Variants in AGTPBP1 observed in about 807,000 individuals in gnomAD.
AGTPBP1 encodes ATP/GTP binding carboxypeptidase 1.
In AGTPBP1, 70 loss-of-function variants were observed where a neutral mutation model predicts 143.9. The ratio of observed to expected loss-of-function variants is 0.49; its 90% confidence interval spans 0.40 to 0.59. The LOEUF is 0.59. Ranked by LOEUF, AGTPBP1 falls within the 20% of genes least tolerant of loss-of-function variation. AGTPBP1 has a pLI of 0.00. For missense variants in AGTPBP1, 1,229 were observed against 1,464.5 expected, an observed-to-expected ratio of 0.84 and a Z score of 2.62; for synonymous variants, 463 against 500.2, an observed-to-expected ratio of 0.93 and a Z score of 0.99.
chr9:85,573,017 A>T (rs991552538), intron 25 of AGTPBP1, among the ~76,000 whole-genome samples: 1 of 152,136 alleles, frequency 6.6e-6, no homozygotes, highest in Non-Finnish European at 1.5e-5. Context: ...CATATACACA[A>T]AACCATAAAA....
chr9:85,620,578 C>A (rs945554640), intron 15 of AGTPBP1, among the ~76,000 whole-genome samples: 1 of 152,116 alleles, frequency 6.6e-6, no homozygotes, highest in African/African-American at 2.4e-5. Context: ...AATAGTCAAA[C>A]TCAATATTTG....
At chr9:85,573,186 C>T (rs1264897749) in intron 25 of AGTPBP1, among the ~76,000 whole-genome samples, 1 of 151,964 alleles carries the variant, frequency 6.6e-6, no homozygotes, top group Non-Finnish European at 1.5e-5. Context: ...GCCATCTCGG[C>T]TCACTGCAAC....
intron 14 of AGTPBP1, among the ~76,000 whole-genome samples, chr9:85,632,093 G>GTATA (rs372145008): frequency 6.7e-6 from 1 of 149,298 alleles, no homozygotes; most frequent in Non-Finnish European, 1.5e-5. Context: ...TACATAGTAG[G>GTATA]TATATATATA....
Position 85,567,158 on chromosome 9 carries a change from G to A in AGTPBP1, c.3503+8157C>T, listed in dbSNP as rs12346568. 5.7e-4 allele frequency among the ~76,000 whole-genome samples: 87 copies of A among 152,290 alleles called. 1 individual carries two copies. Among genetic ancestry groups the A allele is most frequent in the African/African-American group, 1.7e-3 (72 of 41,574 alleles). ...GGGAGTGGGGGACTCTACTTAAAATGAGCCTGCAAACTATAGGATCATGAG... is the reference window on the plus strand; with the variant it reads ...GGGAGTGGGGGACTCTACTTAAAATAAGCCTGCAAACTATAGGATCATGAG... On this transcript the variant is annotated intron_variant, in intron 25 of 25. Coordinates refer to ENST00000357081, the MANE Select transcript of AGTPBP1 (RefSeq NM_001330701.2).
rs147659568 is a variant in AGTPBP1, at chr9:85,579,026, T to C, written c.3236A>G (p.Lys1079Arg). The C allele has an allele frequency of 4.7e-4, 760 of 1,611,828 alleles. No homozygotes were observed. Among genetic ancestry groups the C allele is most frequent in the Non-Finnish European group, 6.0e-4 (712 of 1,179,252 alleles). Residue 1079 changes from lysine (K) to arginine (R), a missense_variant, in exon 24 of 26, where the codon AAA (lysine) becomes AGA (arginine). This residue lies in a region of AGTPBP1 where 486 missense variants were observed against 652.3 expected (regional missense o/e 0.75). Transcript: ENST00000357081. ...AACACGTGCTGTGGATTCTTTAGAT[T>C]TTTCCACTACGAAGCTACAGCTGCT... ...CMSSCSFVVE[K>R]SKESTARVVV...
chr9:85,763,238 C>T, the AGTPBP1 span, among the ~76,000 whole-genome samples: 1 of 151,560 alleles, frequency 6.6e-6, no homozygotes, highest in African/African-American at 2.4e-5. Context: ...GAGAATGTGC[C>T]CCACAAAAAT....
At chr9:85,753,331 A>G in the AGTPBP1 span, 1 of 1,613,980 alleles carries the variant, frequency 6.2e-7, no homozygotes, top group South Asian at 1.1e-5. Context: ...ACAGGACAGG[A>G]AGAAGGTCTA....
chr9:85,734,077 C>T (rs1839065530), intron 1 of AGTPBP1, among the ~76,000 whole-genome samples: 1 of 152,112 alleles, frequency 6.6e-6, no homozygotes, highest in South Asian at 2.1e-4. Flanking sequence ...CATGGTGAAA[C>T]CCTGTCTCTA....
chr9:85,660,086 T>TAA (rs979787630), intron 9 of AGTPBP1, among the ~76,000 whole-genome samples: 2 of 146,358 alleles, frequency 1.4e-5, no homozygotes, highest in African/African-American at 2.5e-5. Context: ...TGCTATTATT[T>TAA]AAAAAAAAAA....
chr9:85,722,897 T>C (rs1838224502), intron 1 of AGTPBP1, among the ~76,000 whole-genome samples: 1 of 152,196 alleles, frequency 6.6e-6, no homozygotes, highest in African/African-American at 2.4e-5. Flanking sequence ...ATGCTATTCC[T>C]TTCTGTTAGT....
At chr9:85,591,518 A>G (rs1828966884) in intron 19 of AGTPBP1, among the ~76,000 whole-genome samples, 1 of 152,170 alleles carries the variant, frequency 6.6e-6, no homozygotes, top group South Asian at 2.1e-4. Context: ...TAAAAGGCAC[A>G]ATCAGTAAAG....
chr9:85,586,328 C>G (rs1287702925), intron 22 of AGTPBP1, among the ~76,000 whole-genome samples: 2 of 151,750 alleles, frequency 1.3e-5, no homozygotes, highest in Non-Finnish European at 2.9e-5. Flanking sequence ...TAAATAAAAA[C>G]AAAGGACATG....
chr9:85,560,644 C>A lies in AGTPBP1; in HGVS notation c.3504-13358G>T, dbSNP rs28728004. ...GATAGATATTTTTCCTAACTCCCACCCCTTAATTAATTACATTAAGTATTA... is the reference window on the plus strand; with the variant it reads ...GATAGATATTTTTCCTAACTCCCACACCTTAATTAATTACATTAAGTATTA... On this transcript the variant is annotated intron_variant, in intron 25 of 25. Coordinates refer to ENST00000357081, the MANE Select transcript of AGTPBP1 (RefSeq NM_001330701.2). Among the ~76,000 whole-genome samples the A allele has an allele frequency of 1.9e-3, 284 of 152,038 alleles. 2 individuals carry two copies. In the East Asian group the frequency reaches 0.021, roughly 11 times the overall value.
At chr9:85,647,482 A>C (rs1457556526) in intron 11 of AGTPBP1, among the ~76,000 whole-genome samples, 1 of 152,156 alleles carries the variant, frequency 6.6e-6, no homozygotes, top group African/African-American at 2.4e-5. Context: ...AAACTCCAAA[A>C]TACTATGGGA....
intron 11 of AGTPBP1, among the ~76,000 whole-genome samples, chr9:85,648,416 G>A (rs1369143846): frequency 6.6e-6 from 1 of 152,114 alleles, no homozygotes; most frequent in Non-Finnish European, 1.5e-5. Flanking sequence ...TGGTAACCTG[G>A]GTTGATTTAT....
At chr9:85,772,393 G>C in the AGTPBP1 span, among the ~76,000 whole-genome samples, 1 of 152,066 alleles carries the variant, frequency 6.6e-6, no homozygotes, top group Admixed American at 6.6e-5. Flanking sequence ...CAAGTTCTGT[G>C]ATATAGACAT....
At chr9:85,702,954 A>G (rs1441255649) in intron 2 of AGTPBP1, among the ~76,000 whole-genome samples, 1 of 152,186 alleles carries the variant, frequency 6.6e-6, no homozygotes, top group Non-Finnish European at 1.5e-5. Context: ...ACCCAGTTAC[A>G]GTGAGTTGTC....
chr9:85,592,011 A>T (rs1037611758), intron 19 of AGTPBP1, among the ~76,000 whole-genome samples: 2 of 152,154 alleles, frequency 1.3e-5, no homozygotes, highest in Non-Finnish European at 2.9e-5. Flanking sequence ...CAACTCTTAT[A>T]CCCTAGATTC....
chr9:85,574,504 C>CT (rs969789238), intron 25 of AGTPBP1, among the ~76,000 whole-genome samples: 6 of 150,962 alleles, frequency 4.0e-5, no homozygotes, highest in Admixed American at 6.6e-5. Context: ...GAAATTATCT[C>CT]TGAGCCTACA....
Sources: allele counts gnomAD v4.1 joint callset (sites outside exome capture counted in the v4.1 genomes callset), GRCh38; gene constraint gnomAD v4.1.1; regional missense constraint gnomAD v4.1.1; transcripts MANE v1.5; gene names NCBI Gene and HGNC (gene_info 2026-07-23, HGNC 2026-07-21).